Variants in GPC6 observed in about 807,000 individuals in gnomAD.
The protein encoded by GPC6 is glypican-6.
GPC6 carries 14 observed loss-of-function variants against 55.2 expected under a neutral mutation model. That is an observed-to-expected ratio of 0.25 (90% confidence interval 0.17 to 0.40). The LOEUF (loss-of-function observed/expected upper bound fraction) is 0.40. Among genes scored for constraint, GPC6 ranks in the 10% least tolerant of loss-of-function variants. The probability of loss-of-function intolerance (pLI) is 1.00; values close to 1 mark genes in which losing one functional copy is unlikely to be tolerated. For synonymous variants in GPC6, 278 were observed against 259.6 expected (o/e 1.07, Z -0.68); for missense variants, 641 against 708.5 (o/e 0.90, Z 1.08).
intron 2 of GPC6, among the ~76,000 whole-genome samples, chr13:93,568,640 T>C (rs1876255118): frequency 6.6e-6 from 1 of 152,184 alleles, no homozygotes. Context: ...AGAGCTGAGC[T>C]GTACTGCCAT....
intron 1 of GPC6, among the ~76,000 whole-genome samples, chr13:93,378,366 G>A (rs530475804): frequency 4.6e-4 from 70 of 152,194 alleles, no homozygotes; most frequent in Non-Finnish European, 8.8e-4. Context: ...ACATGATGCC[G>A]CTGTTGTTCT....
At chr13:94,122,192 T>TA (rs946892542) in intron 4 of GPC6, among the ~76,000 whole-genome samples, 12 of 152,118 alleles carry the variant, frequency 7.9e-5, no homozygotes, top group African/African-American at 2.9e-4. Flanking sequence ...CAATTTTTTT[T>TA]AAAATATAGA....
At chr13:93,823,732 C>CATTT (rs1472475629) in intron 2 of GPC6, among the ~76,000 whole-genome samples, 7 of 152,184 alleles carry the variant, frequency 4.6e-5, no homozygotes. Context: ...AGGGGAGGGA[C>CATTT]ATTTACTTGA....
chr13:93,463,130 C>T (rs768835582), intron 1 of GPC6, among the ~76,000 whole-genome samples: 1 of 152,154 alleles, frequency 6.6e-6, no homozygotes, highest in Non-Finnish European at 1.5e-5. Context: ...TCCCTCCAGC[C>T]ATCTCATTTG....
chr13:93,474,272 G>A (rs976906588), intron 1 of GPC6, among the ~76,000 whole-genome samples: 1 of 152,150 alleles, frequency 6.6e-6, no homozygotes, highest in Non-Finnish European at 1.5e-5. Flanking sequence ...TCCAACTTGA[G>A]TCCTGGGTGG....
At chr13:93,285,653 TG>T (rs1878098447) in intron 1 of GPC6, among the ~76,000 whole-genome samples, 1 of 151,764 alleles carries the variant, frequency 6.6e-6, no homozygotes, top group Non-Finnish European at 1.5e-5. Flanking sequence ...TGTGTGTGTG[TG>T]TGTGTGTGTA....
Position 93,899,210 on chromosome 13 carries a change from A to G in GPC6, c.711+68665A>G, listed in dbSNP as rs376799127. On this transcript the variant is annotated intron_variant, in intron 3 of 8. Coordinates refer to ENST00000377047, the MANE Select transcript of GPC6 (RefSeq NM_005708.5). Reference sequence around the variant, plus strand: ...TGACCATTAAATATTCACTGTGTTTAGTGCTGTGCAAAAAGCACTTCATAG... The same window carrying G: ...TGACCATTAAATATTCACTGTGTTTGGTGCTGTGCAAAAAGCACTTCATAG... 1.6e-4 allele frequency among the ~76,000 whole-genome samples: 24 copies of G among 151,982 alleles called. No homozygotes were observed. The East Asian group carries it at 4.7e-3, about 29-fold the overall frequency.
intron 4 of GPC6, among the ~76,000 whole-genome samples, chr13:94,195,164 A>T (rs751340639): frequency 2.0e-5 from 3 of 152,134 alleles, no homozygotes; most frequent in Non-Finnish European, 4.4e-5. Flanking sequence ...AGTTACAAGC[A>T]CCTGATCTGC....
At chr13:94,048,808 T>G (rs1883827994) in intron 4 of GPC6, among the ~76,000 whole-genome samples, 1 of 152,032 alleles carries the variant, frequency 6.6e-6, no homozygotes, top group Non-Finnish European at 1.5e-5. Context: ...TGTATCACCT[T>G]CCCACTGTGG....
At chr13:93,612,544 A>ACACACACACACACACAC (rs1555316453) in intron 2 of GPC6, among the ~76,000 whole-genome samples, 1 of 71,080 alleles carries the variant, frequency 1.4e-5, no homozygotes. Context: ...CACACACACA[A>ACACACACACACACACAC]ACTTCATGTG....
chr13:93,648,263 G>A (rs1289954915), intron 2 of GPC6, among the ~76,000 whole-genome samples: 1 of 152,108 alleles, frequency 6.6e-6, no homozygotes, highest in Non-Finnish European at 1.5e-5. Flanking sequence ...AGAACACATG[G>A]AAATCACATA....
At chr13:94,038,984 G>T (rs1167473129) in intron 4 of GPC6, among the ~76,000 whole-genome samples, 1 of 151,934 alleles carries the variant, frequency 6.6e-6, no homozygotes, top group Non-Finnish European at 1.5e-5. Flanking sequence ...ATTTGCCTTA[G>T]TTCCTGAGAT....
At chr13:93,500,923 C>T (rs1880497527) in intron 1 of GPC6, among the ~76,000 whole-genome samples, 1 of 152,144 alleles carries the variant, frequency 6.6e-6, no homozygotes, top group African/African-American at 2.4e-5. Flanking sequence ...AGAAATTACA[C>T]CTGAAAATGG....
intron 4 of GPC6, among the ~76,000 whole-genome samples, chr13:94,190,354 GA>G (rs1889351465): frequency 6.6e-6 from 1 of 151,958 alleles, no homozygotes; most frequent in Non-Finnish European, 1.5e-5. Context: ...TTTTCCTAGT[GA>G]AATGACATCC....
At chr13:93,370,728 T>A (rs1881418217) in intron 1 of GPC6, among the ~76,000 whole-genome samples, 2 of 152,124 alleles carry the variant, frequency 1.3e-5, no homozygotes, top group African/African-American at 4.8e-5. Flanking sequence ...TACATAGATT[T>A]AAATAGTCAA....
chr13:94,177,111 G>T (rs939630275), intron 4 of GPC6, among the ~76,000 whole-genome samples: 7 of 152,150 alleles, frequency 4.6e-5, no homozygotes, highest in Non-Finnish European at 8.8e-5. Flanking sequence ...TATCAATTCT[G>T]TATCCTATTT....
chr13:94,137,564 TTTG>T (rs1049585257), intron 4 of GPC6, among the ~76,000 whole-genome samples: 16 of 152,312 alleles, frequency 1.1e-4, no homozygotes, highest in South Asian at 6.2e-4. Context: ...ATGCTTATTT[TTTG>T]TTGTTGTTGT....
At chr13:93,936,712 C>T (rs962080323) in intron 3 of GPC6, among the ~76,000 whole-genome samples, 2 of 152,082 alleles carry the variant, frequency 1.3e-5, no homozygotes, top group Admixed American at 1.3e-4. Context: ...AGATGAAACT[C>T]AGTAGGGAAA....
chr13:93,835,087 G>A (rs886117700), intron 3 of GPC6, among the ~76,000 whole-genome samples: 1 of 152,100 alleles, frequency 6.6e-6, no homozygotes, highest in African/African-American at 2.4e-5. Flanking sequence ...AATTATAAAG[G>A]CAAATGTGGA....
Sources: gnomAD v4.1 joint callset for allele counts (sites outside exome capture counted in the v4.1 genomes callset) on GRCh38, gnomAD v4.1.1 for gene constraint, MANE v1.5 for transcripts, NCBI Gene and HGNC (gene_info 2026-07-23, HGNC 2026-07-21) for gene names.